The following PRKCB variants were observed in gnomAD, a reference collection of about 807,000 sequenced individuals.
PRKCB encodes protein kinase C beta type.
A neutral mutation model predicts 81.5 loss-of-function variants in PRKCB; 13 were observed. The ratio of observed to expected loss-of-function variants is 0.16; its 90% CI spans 0.10 to 0.25. The LOEUF is 0.25. Ranked by LOEUF, PRKCB falls within the 10% of genes least tolerant of loss-of-function variation. The pLI, the probability that PRKCB is intolerant of heterozygous loss-of-function variation, is 1.00. For missense variants in PRKCB, 509 were observed against 875.7 expected (o/e 0.58, Z 5.29); for synonymous variants, 335 against 321.4 (o/e 1.04, Z -0.45).
chr16:24,190,077 T>A (rs1246834417), intron 15 of PRKCB, among the ~76,000 whole-genome samples: 1 of 152,228 alleles, frequency 6.6e-6, no homozygotes, highest in Non-Finnish European at 1.5e-5. Context: ...ATTCATCTTG[T>A]TATTTAGCAC....
At chr16:24,100,515 T>C (rs2141907324) in intron 7 of PRKCB, among the ~76,000 whole-genome samples, 1 of 152,262 alleles carries the variant, frequency 6.6e-6, no homozygotes, top group South Asian at 2.1e-4. Flanking sequence ...GTCCTCCCCC[T>C]GAGGAGTCTT....
intron 16 of PRKCB, 99 bp downstream of exon 16, chr16:24,191,329 A>T: frequency 1.5e-6 from 2 of 1,331,792 alleles, no homozygotes; most frequent in Non-Finnish European, 2.1e-6. Context: ...GTAGACGTCA[A>T]TGTGTCTACT....
At chr16:24,058,355 T>A (rs963558298) in intron 5 of PRKCB, among the ~76,000 whole-genome samples, 7 of 152,222 alleles carry the variant, frequency 4.6e-5, no homozygotes, top group Admixed American at 3.3e-4. Flanking sequence ...TTTGTGCTAG[T>A]GCAGTGCACA....
chr16:23,953,530 G>A (rs769806856), intron 2 of PRKCB, among the ~76,000 whole-genome samples: 1 of 152,170 alleles, frequency 6.6e-6, no homozygotes, highest in Non-Finnish European at 1.5e-5. Flanking sequence ...TCCTCATCCT[G>A]TTAGACTTGA....
intron 9 of PRKCB, among the ~76,000 whole-genome samples, chr16:24,127,749 T>C (rs553652848): frequency 2.6e-5 from 4 of 152,302 alleles, no homozygotes; most frequent in African/African-American, 4.8e-5. Context: ...ACTGGAGATA[T>C]AGCATCAGAT....
At chr16:24,100,373 C>T (rs1459804958) in intron 7 of PRKCB, among the ~76,000 whole-genome samples, 1 of 152,162 alleles carries the variant, frequency 6.6e-6, no homozygotes, top group African/African-American at 2.4e-5. Flanking sequence ...AGCTTTGGGG[C>T]ATCATTCTGG....
At chr16:23,914,285 A>T (rs191411202) in intron 2 of PRKCB, among the ~76,000 whole-genome samples, 1 of 152,220 alleles carries the variant, frequency 6.6e-6, no homozygotes, top group East Asian at 1.9e-4. Context: ...GAACAGCTGA[A>T]ATATCCCTAG....
intron 2 of PRKCB, among the ~76,000 whole-genome samples, chr16:23,896,140 C>A (rs1454531801): frequency 6.6e-6 from 1 of 151,198 alleles, no homozygotes; most frequent in East Asian, 1.9e-4. Flanking sequence ...TCCCAATCCA[C>A]TTTCCTGCCT....
At chr16:23,905,900 T>C (rs1436506853) in intron 2 of PRKCB, among the ~76,000 whole-genome samples, 1 of 109,106 alleles carries the variant, frequency 9.2e-6, no homozygotes, top group Non-Finnish European at 2.2e-5. Flanking sequence ...TGCCTCATAC[T>C]CCTCTAAGGG....
intron 2 of PRKCB, among the ~76,000 whole-genome samples, chr16:23,883,595 G>A (rs558325137): frequency 1.3e-5 from 2 of 152,300 alleles, no homozygotes; most frequent in East Asian, 3.9e-4. Flanking sequence ...AGAAGTGGGA[G>A]GATGAGTCAG....
Position 24,217,998 on chromosome 16 carries a change from G to A in PRKCB, c.*3182G>A. 1.0e-6 allele frequency: 1 copy of A among 985,320 alleles called. No individual in the cohort carries two copies. The highest frequency in any genetic ancestry group is 1.2e-6 in the Non-Finnish European group (1 of 829,914). The allele number at this position is 985,320 out of a possible 1,614,324, so 61.0% of individuals were successfully genotyped here. On this transcript the variant is annotated 3_prime_UTR_variant, in exon 17 of 17. Transcript: ENST00000643927. ...CGGGGACAATTATAAGTTGCAAAAA[G>A]GATAGAGGCATATCCCAAGTCTTCC...
rs557224523 is a variant in PRKCB, at chr16:23,889,271, A to G, written c.205+51865A>G. On this transcript the variant is annotated intron_variant, in intron 2 of 16. Transcript: ENST00000643927. Reference sequence around the variant, plus strand: ...AGCTCTGCCACTCACCAAGCATGTGATCTTGGTTCAGTTTTAAAACCTCTC... The same window carrying G: ...AGCTCTGCCACTCACCAAGCATGTGGTCTTGGTTCAGTTTTAAAACCTCTC... 1.2e-4 allele frequency among the ~76,000 whole-genome samples: 19 copies of G among 152,286 alleles called. No individual in the cohort carries two copies. In the South Asian group the frequency reaches 3.9e-3, roughly 32 times the overall value.
rs187293026 is a variant in PRKCB at position 23,903,673 on chromosome 16, T to C, written c.205+66267T>C. ...GCAGCAGTGGAATTGTTCTTGGAGA[T>C]AGGAGAAACTGAAACTCTTTCCACC... On this transcript the variant is annotated intron_variant, in intron 2 of 16. Transcript: ENST00000643927. Among the ~76,000 whole-genome samples the C allele has an allele frequency of 4.9e-4, 74 of 152,244 alleles. 1 individual carries two copies. The highest frequency in any genetic ancestry group is 2.1e-4 in the Non-Finnish European group (14 of 68,016).
At chr16:23,868,447 C>A (rs1012450513) in intron 2 of PRKCB, among the ~76,000 whole-genome samples, 1 of 152,278 alleles carries the variant, frequency 6.6e-6, no homozygotes, top group South Asian at 2.1e-4. Context: ...TTATTTGGGG[C>A]AGGCAGATGA....
chr16:23,902,110 G>A (rs188626288), intron 2 of PRKCB, among the ~76,000 whole-genome samples: 2 of 152,256 alleles, frequency 1.3e-5, no homozygotes, highest in East Asian at 1.9e-4. Context: ...GCCTCACCCA[G>A]CAGACAGAGG....
At chr16:23,971,957 T>G (rs1304229790) in intron 2 of PRKCB, among the ~76,000 whole-genome samples, 1 of 152,146 alleles carries the variant, frequency 6.6e-6, no homozygotes, top group Non-Finnish European at 1.5e-5. Flanking sequence ...AAAAAATGAA[T>G]GAATAAATTA....
chr16:24,209,660 C>T (rs903593014), intron 16 of PRKCB, among the ~76,000 whole-genome samples: 1 of 152,120 alleles, frequency 6.6e-6, no homozygotes, highest in African/African-American at 2.4e-5. Context: ...CCGAATGCAT[C>T]TTTCCATCCC....
chr16:23,950,132 A>AGG (rs55986931), intron 2 of PRKCB, among the ~76,000 whole-genome samples: 46 of 97,768 alleles, frequency 4.7e-4, no homozygotes, highest in Middle Eastern at 6.9e-3. Context: ...TATGATTTGA[A>AGG]TTTTTTTTTT....
At chr16:23,958,973 C>T (rs528555107) in intron 2 of PRKCB, among the ~76,000 whole-genome samples, 4 of 152,240 alleles carry the variant, frequency 2.6e-5, no homozygotes, top group South Asian at 4.1e-4. Context: ...GTAGGTACCT[C>T]GGGCAAGTTA....
Sources: allele counts gnomAD v4.1 joint callset (sites outside exome capture counted in the v4.1 genomes callset), GRCh38; gene constraint gnomAD v4.1.1; transcripts MANE v1.5; gene names NCBI Gene and HGNC (gene_info 2026-07-23, HGNC 2026-07-21).